DOK6: variants seen among roughly 807,000 people sequenced by gnomAD.
The protein encoded by DOK6 is docking protein 6, also known as downstream of tyrosine kinase 6.
In DOK6, 22 loss-of-function variants were observed where a neutral mutation model predicts 44.0. The ratio of observed to expected loss-of-function variants is 0.50; its 90% CI spans 0.36 to 0.71. The LOEUF is 0.71. Among genes scored for constraint, DOK6 ranks in the 30% least tolerant of loss-of-function variants. DOK6 has a pLI of 0.00. For synonymous variants in DOK6, 166 were observed against 145.5 expected (o/e 1.14, Z -1.01); for missense variants, 340 against 416.4 (o/e 0.82, Z 1.60).
intron 5 of DOK6, among the ~76,000 whole-genome samples, chr18:69,703,163 G>C (rs900196527): frequency 6.6e-6 from 1 of 152,082 alleles, no homozygotes; most frequent in Admixed American, 6.5e-5. Flanking sequence ...TTATCTCTTT[G>C]GAATTAAAGC....
chr18:69,626,702 C>T (rs1599229235), intron 3 of DOK6, among the ~76,000 whole-genome samples: 1 of 152,100 alleles, frequency 6.6e-6, no homozygotes, highest in East Asian at 1.9e-4. Context: ...GATCGAGGTG[C>T]TCATCAAAGT....
intron 1 of DOK6, among the ~76,000 whole-genome samples, chr18:69,552,269 A>G (rs920270945): frequency 1.3e-5 from 2 of 152,100 alleles, no homozygotes; most frequent in African/African-American, 4.8e-5. Flanking sequence ...TGTTTTAAGA[A>G]CTTGGTTTAG....
At chr18:69,676,718 A>G (rs1319929172) in intron 3 of DOK6, among the ~76,000 whole-genome samples, 1 of 152,208 alleles carries the variant, frequency 6.6e-6, no homozygotes, top group Non-Finnish European at 1.5e-5. Flanking sequence ...AAATTTCTGC[A>G]TAGTAAAATA....
At chr18:69,834,888 G>A (rs985617561) in intron 7 of DOK6, among the ~76,000 whole-genome samples, 2 of 152,174 alleles carry the variant, frequency 1.3e-5, no homozygotes, top group East Asian at 3.9e-4. Context: ...TCACAGTTTT[G>A]CATGGCTGGG....
chr18:69,406,270 T>A (rs1599115877), intron 1 of DOK6, among the ~76,000 whole-genome samples: 1 of 152,376 alleles, frequency 6.6e-6, no homozygotes, highest in East Asian at 1.9e-4. Flanking sequence ...GTGTATGACA[T>A]CTGATGTATG....
At chr18:69,468,647 G>A (rs151245092) in intron 1 of DOK6, among the ~76,000 whole-genome samples, 163 of 152,272 alleles carry the variant, frequency 1.1e-3, no homozygotes, top group African/African-American at 3.5e-3. Context: ...GAAGTTGAAA[G>A]ATCTTAAAAA....
At chr18:69,637,933 C>A (rs774275115) in intron 3 of DOK6, among the ~76,000 whole-genome samples, 8 of 151,572 alleles carry the variant, frequency 5.3e-5, no homozygotes, top group Admixed American at 1.3e-4. Flanking sequence ...GATAGGAGAT[C>A]TATATTATGC....
chr18:69,602,353 T>C (rs1047351095), intron 3 of DOK6, among the ~76,000 whole-genome samples: 7 of 152,176 alleles, frequency 4.6e-5, no homozygotes, highest in Non-Finnish European at 8.8e-5. Context: ...GAGAATAACA[T>C]CAGACACATC....
intron 7 of DOK6, among the ~76,000 whole-genome samples, chr18:69,817,236 A>G (rs2145120830): frequency 6.6e-6 from 1 of 152,296 alleles, no homozygotes; most frequent in Non-Finnish European, 1.5e-5. Flanking sequence ...ATTTGTGATC[A>G]GTACCGTTGA....
At chr18:69,544,536 A>G (rs1316208221) in intron 1 of DOK6, among the ~76,000 whole-genome samples, 2 of 151,566 alleles carry the variant, frequency 1.3e-5, no homozygotes, top group African/African-American at 4.8e-5. Flanking sequence ...CATGAATGTC[A>G]CAAGTTCCAA....
intron 1 of DOK6, among the ~76,000 whole-genome samples, chr18:69,442,604 G>A (rs1247959273): frequency 6.6e-6 from 1 of 152,152 alleles, no homozygotes; most frequent in Non-Finnish European, 1.5e-5. Flanking sequence ...TACAATTCAA[G>A]ATGAGATTTG....
At chr18:69,677,925 C>T in intron 4 of DOK6, 72 bp downstream of exon 4, 1 of 1,541,034 alleles carries the variant, frequency 6.5e-7, no homozygotes, top group Non-Finnish European at 8.8e-7. Context: ...TGGAAAGGAT[C>T]TCAGAAATGT....
At chr18:69,521,380 G>A (rs1981680477) in intron 1 of DOK6, among the ~76,000 whole-genome samples, 1 of 151,242 alleles carries the variant, frequency 6.6e-6, no homozygotes, top group African/African-American at 2.4e-5. Flanking sequence ...CATTCTGGCA[G>A]TATTTTAACC....
chr18:69,493,188 T>C (rs1248128241), intron 1 of DOK6, among the ~76,000 whole-genome samples: 1 of 152,192 alleles, frequency 6.6e-6, no homozygotes, highest in East Asian at 1.9e-4. Flanking sequence ...GAGTAGCACT[T>C]TAAAAGATTA....
At chr18:69,617,648 GA>G (rs1984331510) in intron 3 of DOK6, among the ~76,000 whole-genome samples, 1 of 138,968 alleles carries the variant, frequency 7.2e-6, no homozygotes, top group Non-Finnish European at 1.6e-5. Flanking sequence ...AGGAAGGAAG[GA>G]GGGGAAAAGA....
intron 1 of DOK6, among the ~76,000 whole-genome samples, chr18:69,471,250 CAAAAAAAAAAAAAA>C (rs71176969): frequency 3.6e-4 from 10 of 27,782 alleles, no homozygotes; most frequent in East Asian, 2.0e-3. Flanking sequence ...AACTCCATCT[CAAAAAAAAAAAAAA>C]AAAAAAAAAA....
intron 1 of DOK6, among the ~76,000 whole-genome samples, chr18:69,533,898 A>G (rs996073259): frequency 2.6e-5 from 4 of 152,140 alleles, no homozygotes; most frequent in African/African-American, 9.7e-5. Context: ...AGCTTTTCCA[A>G]TTCATTCTCT....
At chr18:69,522,449 G>T (rs1374559446) in intron 1 of DOK6, among the ~76,000 whole-genome samples, 1 of 151,950 alleles carries the variant, frequency 6.6e-6, no homozygotes, top group African/African-American at 2.4e-5. Context: ...GTGTATGTTT[G>T]CAATGACTGT....
chr18:69,774,511 T>G (rs1399312393), intron 7 of DOK6, among the ~76,000 whole-genome samples: 1 of 151,900 alleles, frequency 6.6e-6, no homozygotes, highest in Admixed American at 6.6e-5. Context: ...GAAATAAAAT[T>G]TTTTTAAAAC....
Sources: allele counts gnomAD v4.1 joint callset (sites outside exome capture counted in the v4.1 genomes callset), GRCh38; gene constraint gnomAD v4.1.1; transcripts MANE v1.5; gene names NCBI Gene and HGNC (gene_info 2026-07-23, HGNC 2026-07-21).